The following RABGAP1 variants were observed in gnomAD, a reference collection of about 807,000 sequenced individuals.
RABGAP1 encodes RAB GTPase activating protein 1, also known as rab GTPase-activating protein 1.
A neutral mutation model predicts 137.6 loss-of-function variants in RABGAP1; 23 were observed. That is an observed-to-expected ratio of 0.17 (90% CI 0.12 to 0.24). The LOEUF is 0.24. Among genes scored for constraint, RABGAP1 ranks in the 10% least tolerant of loss-of-function variants. The pLI is 1.00. For synonymous variants in RABGAP1, 451 were observed against 450.7 expected, an observed-to-expected ratio of 1.00 and a Z score of -0.01; for missense variants, 906 against 1,275.8, an observed-to-expected ratio of 0.71 and a Z score of 4.42.
At chr9:123,013,087 C>G (rs2030946357) in intron 11 of RABGAP1, among the ~76,000 whole-genome samples, 1 of 152,172 alleles carries the variant, frequency 6.6e-6, no homozygotes, top group South Asian at 2.1e-4. Context: ...TAAACTACTA[C>G]TACCCAGATT....
At chr9:123,039,515 G>T (rs1339279871) in intron 13 of RABGAP1, among the ~76,000 whole-genome samples, 1 of 152,124 alleles carries the variant, frequency 6.6e-6, no homozygotes, top group Non-Finnish European at 1.5e-5. Context: ...TTGAAAGGTA[G>T]TCCAGAGCCT....
At chr9:123,012,721 C>T (rs1312776655) in intron 11 of RABGAP1, among the ~76,000 whole-genome samples, 1 of 152,188 alleles carries the variant, frequency 6.6e-6, no homozygotes, top group East Asian at 1.9e-4. Flanking sequence ...CTAGCGTATA[C>T]CACAACATCT....
chr9:123,030,536 A>AT (rs1053949929), intron 13 of RABGAP1, among the ~76,000 whole-genome samples: 3 of 152,104 alleles, frequency 2.0e-5, no homozygotes, highest in Non-Finnish European at 4.4e-5. Context: ...GCATTATTTT[A>AT]TTTTTTATTG....
Position 123,103,647 on chromosome 9 carries a change from G to T in RABGAP1, c.*434G>T, listed in dbSNP as rs1257558017. The T allele has an allele frequency of 9.0e-6, 1 of 111,542 alleles. No homozygotes were observed. The highest frequency in any genetic ancestry group is 1.8e-5 in the Non-Finnish European group (1 of 55,688). The allele number at this position is 111,542 out of a possible 1,614,324, so 6.9% of individuals were successfully genotyped here. On this transcript the variant is annotated 3_prime_UTR_variant, in exon 26 of 26. Coordinates refer to ENST00000373647, the MANE Select transcript of RABGAP1 (RefSeq NM_012197.4). ...TATATATATATATATAGTGGGGGTGGGGCAAGGGATCAGAAATTCAAATAA... is the reference window on the plus strand; with the variant it reads ...TATATATATATATATAGTGGGGGTGTGGCAAGGGATCAGAAATTCAAATAA...
intron 13 of RABGAP1, chr9:123,035,358 C>G (rs987207542): frequency 6.2e-7 from 1 of 1,614,188 alleles, no homozygotes; most frequent in Non-Finnish European, 8.5e-7. Flanking sequence ...TTTACATCCT[C>G]TGGTTGCCAT....
chr9:122,990,411 G>A, intron 6 of RABGAP1, 198 bp downstream of exon 6: 2 of 392,526 alleles, frequency 5.1e-6, no homozygotes, highest in Non-Finnish European at 8.8e-6. Context: ...TAAAAAAATT[G>A]TCATATTGGG....
Position 123,010,335 on chromosome 9 carries a change from A to G in RABGAP1, c.1375-19A>G. ...AAAGAACTTTACTGCTTAATAAATAATATTTTTTCATCTTCAAGATAAAGC... is the reference window on the plus strand; with the variant it reads ...AAAGAACTTTACTGCTTAATAAATAGTATTTTTTCATCTTCAAGATAAAGC... On this transcript the variant is annotated intron_variant, in intron 10 of 25. Transcript: ENST00000373647. The G allele has an allele frequency of 6.3e-7, 1 of 1,578,386 alleles. No individual in the cohort carries two copies. Among genetic ancestry groups the G allele is most frequent in the Non-Finnish European group, 8.6e-7 (1 of 1,156,414 alleles).
rs117794800 is a variant in RABGAP1, at chr9:123,025,587, A to T, written c.1794+5128A>T. Among the ~76,000 whole-genome samples the T allele has an allele frequency of 3.1e-3, 233 of 75,998 alleles. 1 individual carries two copies. The highest frequency in any genetic ancestry group is 0.034 in the Middle Eastern group (2 of 58). 49.9% of individuals were successfully genotyped at this position (75,998 alleles called of 152,430 possible). A position where few individuals can be genotyped will look rare whatever the true frequency, so the allele number is the denominator to read the frequency against. The stretch of plus-strand genomic sequence containing the variant: ...CCTTCAAGAATTCTGAATTGCCTTC[A>T]TAGGGATCTTGTAGCTTTATTGTTA... On this transcript the variant is annotated intron_variant, in intron 13 of 25. Coordinates refer to ENST00000373647, the MANE Select transcript of RABGAP1 (RefSeq NM_012197.4).
At chr9:122,982,775 C>A in intron 2 of RABGAP1, among the ~76,000 whole-genome samples, 1 of 152,096 alleles carries the variant, frequency 6.6e-6, no homozygotes, top group South Asian at 2.1e-4. Flanking sequence ...GGTGGCACTG[C>A]CTGTAGTCAC....
intron 13 of RABGAP1, among the ~76,000 whole-genome samples, chr9:123,041,418 T>C (rs1340038): frequency 0.11 from 16,616 of 152,198 alleles, 2,934 homozygotes; most frequent in African/African-American, 0.37. Flanking sequence ...TTAGAGAGGT[T>C]AAGAAGCTTC....
chr9:122,949,108 G>A (rs1164657161), intron 1 of RABGAP1, among the ~76,000 whole-genome samples: 1 of 152,174 alleles, frequency 6.6e-6, no homozygotes, highest in Non-Finnish European at 1.5e-5. Flanking sequence ...AGGTGCGGTG[G>A]CTCACGCTTG....
chr9:122,997,398 A>T (rs1837084241), intron 9 of RABGAP1, 37 bp downstream of exon 9: 2 of 1,468,728 alleles, frequency 1.4e-6, no homozygotes, highest in Non-Finnish European at 1.9e-6. Flanking sequence ...CAGAAATTTT[A>T]GTCTCAAGAA....
chr9:123,075,517 G>A (rs1303424681), intron 17 of RABGAP1, among the ~76,000 whole-genome samples: 1 of 152,072 alleles, frequency 6.6e-6, no homozygotes, highest in Non-Finnish European at 1.5e-5. Flanking sequence ...CAAATATGCC[G>A]TTTTTCTTAG....
chr9:122,989,685 T>C, intron 5 of RABGAP1: 1 of 588,426 alleles, frequency 1.7e-6, no homozygotes, highest in Non-Finnish European at 2.9e-6. Context: ...TCAGAGGAGA[T>C]CTGTTGGCTA....
At chr9:123,089,212 G>A (rs1272452913) in intron 19 of RABGAP1, among the ~76,000 whole-genome samples, 1 of 152,016 alleles carries the variant, frequency 6.6e-6, no homozygotes, top group Non-Finnish European at 1.5e-5. Flanking sequence ...AAAGGGAGGG[G>A]ATAGAGAGGT....
At chr9:123,084,466 C>CT (rs2034808190) in intron 19 of RABGAP1, among the ~76,000 whole-genome samples, 1 of 152,218 alleles carries the variant, frequency 6.6e-6, no homozygotes, top group Admixed American at 6.5e-5. Flanking sequence ...TGCAGAGCTA[C>CT]TAATGTTCAA....
At chr9:122,943,072 C>CTTTTTTTTTT (rs10582436) in intron 1 of RABGAP1, among the ~76,000 whole-genome samples, 5 of 116,172 alleles carry the variant, frequency 4.3e-5, no homozygotes, top group African/African-American at 2.1e-4. Flanking sequence ...GGTGCACTTT[C>CTTTTTTTTTT]TTTTTTTTTT....
intron 11 of RABGAP1, among the ~76,000 whole-genome samples, chr9:123,015,289 C>CTTTT (rs34492374): frequency 2.0e-4 from 24 of 121,678 alleles, no homozygotes; most frequent in South Asian, 1.1e-3. Context: ...TAAATAGCTC[C>CTTTT]TTTTTTTTTT....
At chr9:123,092,751 C>T (rs1034319850) in intron 21 of RABGAP1, among the ~76,000 whole-genome samples, 5 of 152,144 alleles carry the variant, frequency 3.3e-5, no homozygotes, top group Non-Finnish European at 7.3e-5. Context: ...CAGAGTAGGC[C>T]GTGTTGTAGA....
Sources: allele counts gnomAD v4.1 joint callset (sites outside exome capture counted in the v4.1 genomes callset), GRCh38; gene constraint gnomAD v4.1.1; transcripts MANE v1.5; gene names NCBI Gene and HGNC (gene_info 2026-07-23, HGNC 2026-07-21).